Variants in ETF1 observed in about 807,000 individuals in gnomAD.
ETF1 encodes eukaryotic translation termination factor 1.
A neutral mutation model predicts 55.1 loss-of-function variants in ETF1; 4 were observed. The ratio of observed to expected loss-of-function variants is 0.07; its 90% CI spans 0.04 to 0.17. The LOEUF (loss-of-function observed/expected upper bound fraction) is 0.17. ETF1 is among the 10% of genes least tolerant of loss of function. ETF1 has a pLI of 1.00. For synonymous variants in ETF1, 157 were observed against 182.3 expected, an observed-to-expected ratio of 0.86 and a Z score of 1.12; for missense variants, 142 against 523.6, an observed-to-expected ratio of 0.27 and a Z score of 7.11.
At chr5:138,510,076 G>A (rs79283912) in intron 9 of ETF1, among the ~76,000 whole-genome samples, 1 of 143,756 alleles carries the variant, frequency 7.0e-6, no homozygotes, top group African/African-American at 2.5e-5. Context: ...AAAAAAAAAA[G>A]ACCGGTCATG....
intron 2 of ETF1, among the ~76,000 whole-genome samples, chr5:138,533,804 CTATAT>C (rs1765804309): frequency 1.3e-5 from 2 of 152,326 alleles, no homozygotes; most frequent in South Asian, 4.1e-4. Context: ...AACCATCATA[CTATAT>C]TAGGCGTTTA....
intron 9 of ETF1, 131 bp downstream of exon 9, chr5:138,510,434 T>C (rs1764727234): frequency 4.7e-6 from 2 of 428,216 alleles, no homozygotes; most frequent in East Asian, 4.3e-5. Flanking sequence ...GGCAGATAGA[T>C]GACCACCTCC....
At chr5:138,531,833 T>A (rs960628785) in intron 2 of ETF1, among the ~76,000 whole-genome samples, 2 of 152,086 alleles carry the variant, frequency 1.3e-5, no homozygotes, top group Admixed American at 1.3e-4. Flanking sequence ...GATCACGAGG[T>A]CAGGAGATTG....
intron 2 of ETF1, among the ~76,000 whole-genome samples, chr5:138,528,392 G>A (rs1765564650): frequency 6.6e-6 from 1 of 152,194 alleles, no homozygotes; most frequent in Admixed American, 6.5e-5. Context: ...GATAGTTTAA[G>A]AAGATAAACA....
chr5:138,513,772 A>G, intron 4 of ETF1, 66 bp from the exon 5 acceptor site: 1 of 1,546,414 alleles, frequency 6.5e-7, no homozygotes. Flanking sequence ...AAAAACTCTG[A>G]AAGGATATAT....
At chr5:138,535,213 G>A (rs143573761) in intron 2 of ETF1, among the ~76,000 whole-genome samples, 50 of 151,956 alleles carry the variant, frequency 3.3e-4, no homozygotes, top group African/African-American at 1.2e-3. Flanking sequence ...ACCTCCCAAA[G>A]TACTGGGATT....
intron 4 of ETF1, among the ~76,000 whole-genome samples, chr5:138,516,600 C>T (rs1210212618): frequency 6.6e-6 from 1 of 152,222 alleles, no homozygotes; most frequent in African/African-American, 2.4e-5. Context: ...AAGATTGCAC[C>T]ACTGCACTCT....
intron 1 of ETF1, 66 bp downstream of exon 1, chr5:138,543,031 G>C (rs764576111): frequency 8.9e-7 from 1 of 1,128,838 alleles, no homozygotes; most frequent in Non-Finnish European, 1.3e-6. Context: ...TCCCCCAGAG[G>C]CCCTCTCCTC....
In ETF1 at chr5:138,506,638, G is replaced by C. The variant is rs1306229213; in HGVS notation, c.*1667C>G. 1.3e-5 allele frequency: 2 copies of C among 152,624 alleles called. No individual in the cohort carries two copies. The highest frequency in any genetic ancestry group is 2.9e-5 in the Non-Finnish European group (2 of 68,044). The allele number at this position is 152,624 out of a possible 1,614,324, so 9.5% of individuals were successfully genotyped here. A position where few individuals can be genotyped will look rare whatever the true frequency, so the allele number is the denominator to read the frequency against. On this transcript the variant is annotated 3_prime_UTR_variant, in exon 11 of 11. Coordinates refer to ENST00000360541, the MANE Select transcript of ETF1 (RefSeq NM_004730.4). ...CCAAATAATGGACTCTTCTCACAGGGGGTTGAGACATCAGGTTACACATTG... is the reference window on the plus strand; with the variant it reads ...CCAAATAATGGACTCTTCTCACAGGCGGTTGAGACATCAGGTTACACATTG...
intron 2 of ETF1, among the ~76,000 whole-genome samples, chr5:138,539,512 TA>T (rs1279943041): frequency 6.6e-6 from 1 of 152,232 alleles, no homozygotes; most frequent in Non-Finnish European, 1.5e-5. Flanking sequence ...CCATCAACTT[TA>T]AGTGGGGCCT....
chr5:138,515,454 C>A (rs1316975759), intron 4 of ETF1, among the ~76,000 whole-genome samples: 2 of 152,062 alleles, frequency 1.3e-5, no homozygotes, highest in Non-Finnish European at 2.9e-5. Context: ...AGAAAAAAGA[C>A]ATGAATATGA....
At chr5:138,528,179 T>A (rs1236843555) in intron 2 of ETF1, among the ~76,000 whole-genome samples, 1 of 152,096 alleles carries the variant, frequency 6.6e-6, no homozygotes, top group African/African-American at 2.4e-5. Flanking sequence ...TGAAAACGGA[T>A]GGCAAAGGTA....
In ETF1 at chr5:138,528,648, G is replaced by A. The variant is rs79269579; in HGVS notation, c.87-9781C>T. The stretch of plus-strand genomic sequence containing the variant: ...TTGGCTTCTTATTCCTTTTGAATTA[G>A]GTGCAAAAAATTACCTTTCACTAGT... On this transcript the variant is annotated intron_variant, in intron 2 of 10. Transcript: ENST00000360541. Among the ~76,000 whole-genome samples, 839 of 152,106 alleles carry A rather than the reference G, an allele frequency of 5.5e-3. 7 individuals carry two copies. The highest frequency in any genetic ancestry group is 0.019 in the African/African-American group (785 of 41,500).
chr5:138,512,999 T>C (rs1279399637), intron 5 of ETF1, 45 bp from the exon 6 acceptor site: 1 of 1,473,852 alleles, frequency 6.8e-7, no homozygotes, highest in East Asian at 2.7e-5. Context: ...TATTAAGAAC[T>C]ACAAGATGTC....
At chr5:138,515,730 G>C (rs1274852748) in intron 4 of ETF1, among the ~76,000 whole-genome samples, 1 of 152,178 alleles carries the variant, frequency 6.6e-6, no homozygotes, top group Non-Finnish European at 1.5e-5. Context: ...ATGGGTACCT[G>C]GCACTGTTTA....
intron 4 of ETF1, among the ~76,000 whole-genome samples, chr5:138,515,623 CAA>C (rs1169954422): frequency 6.6e-6 from 1 of 152,030 alleles, no homozygotes; most frequent in African/African-American, 2.4e-5. Context: ...CTAAAATGTA[CAA>C]AGTTAGCAAG....
chr5:138,539,756 C>T (rs967802221), intron 2 of ETF1, among the ~76,000 whole-genome samples: 1 of 152,150 alleles, frequency 6.6e-6, no homozygotes, highest in Non-Finnish European at 1.5e-5. Flanking sequence ...ACACGTGTAA[C>T]ATAAAATAGA....
At chr5:138,529,594 C>CAA in intron 2 of ETF1, 1 of 985,458 alleles carries the variant, frequency 1.0e-6, no homozygotes, top group Non-Finnish European at 1.2e-6. Flanking sequence ...CCTCTGCACT[C>CAA]AGATTCTCTT....
chr5:138,508,551 T>TTC, intron 10 of ETF1, 118 bp downstream of exon 10: 1 of 1,556,404 alleles, frequency 6.4e-7, no homozygotes. Flanking sequence ...ACCTGCTGCG[T>TTC]CAATCACCTA....
Sources: gnomAD v4.1 joint callset for allele counts (sites outside exome capture counted in the v4.1 genomes callset) on GRCh38, gnomAD v4.1.1 for gene constraint, MANE v1.5 for transcripts, NCBI Gene and HGNC (gene_info 2026-07-23, HGNC 2026-07-21) for gene names.